Variants in POU6F2 observed in about 807,000 individuals in gnomAD.
POU6F2 encodes POU domain, class 6, transcription factor 2.
In POU6F2, 31 loss-of-function variants were observed where a neutral mutation model predicts 71.3. The ratio of observed to expected loss-of-function variants is 0.43; its 90% CI spans 0.33 to 0.59. The LOEUF (loss-of-function observed/expected upper bound fraction) is 0.59. Among genes scored for constraint, POU6F2 ranks in the 20% least tolerant of loss-of-function variants. POU6F2 has a pLI of 0.04. For missense variants in POU6F2, 783 were observed against 856.8 expected, an observed-to-expected ratio of 0.91 and a Z score of 1.07; for synonymous variants, 347 against 355.7, an observed-to-expected ratio of 0.98 and a Z score of 0.27.
At chr7:39,079,070 T>C (rs1348056055) in intron 1 of POU6F2, among the ~76,000 whole-genome samples, 4 of 152,100 alleles carry the variant, frequency 2.6e-5, no homozygotes, top group Non-Finnish European at 4.4e-5. Context: ...GATACCTTAA[T>C]GTGGGAAGCG....
At position 39,201,886 on chromosome 7, in the gene POU6F2, G is replaced by A. The variant is rs373412308; in HGVS notation, c.278-2349G>A. Among the ~76,000 whole-genome samples, 117 of 152,252 alleles carry A rather than the reference G, an allele frequency of 7.7e-4. 4 individuals carry two copies. In the South Asian group the frequency reaches 0.021, roughly 27 times the overall value. ...TTCCAGAGCCGCCTTCCAACCAGAC[G>A]GATTAGTTTATGGTCCTGCAAGGTT... On this transcript the variant is annotated intron_variant, in intron 2 of 9. Coordinates refer to ENST00000518318, the MANE Select transcript of POU6F2 (RefSeq NM_001370959.1).
intron 4 of POU6F2, among the ~76,000 whole-genome samples, chr7:39,233,777 T>A (rs1022216170): frequency 6.6e-6 from 1 of 152,196 alleles, no homozygotes; most frequent in Admixed American, 6.5e-5. Context: ...GGTAACTCAT[T>A]TTCTCCAGCA....
intron 6 of POU6F2, among the ~76,000 whole-genome samples, chr7:39,431,477 C>G (rs1414187489): frequency 6.6e-6 from 1 of 152,166 alleles, no homozygotes; most frequent in Non-Finnish European, 1.5e-5. Flanking sequence ...AAGCACTGCT[C>G]AGGGTATTGT....
intron 4 of POU6F2, among the ~76,000 whole-genome samples, chr7:39,225,586 C>A (rs1018095469): frequency 2.0e-5 from 3 of 152,024 alleles, no homozygotes; most frequent in African/African-American, 7.3e-5. Flanking sequence ...AATTTCTTCA[C>A]CCCCCACCAA....
intron 8 of POU6F2, among the ~76,000 whole-genome samples, chr7:39,456,895 CT>C (rs1788819605): frequency 6.6e-6 from 1 of 152,172 alleles, no homozygotes; most frequent in Admixed American, 6.5e-5. Flanking sequence ...ATTCAGTTTC[CT>C]GGTGGAATAA....
intron 2 of POU6F2, among the ~76,000 whole-genome samples, chr7:39,106,078 C>T (rs1306066412): frequency 6.6e-6 from 1 of 152,186 alleles, no homozygotes; most frequent in Non-Finnish European, 1.5e-5. Flanking sequence ...TTCCTTAAAT[C>T]CCAATTGTAA....
chr7:39,455,721 T>A (rs1486647989), intron 8 of POU6F2, among the ~76,000 whole-genome samples: 8 of 151,712 alleles, frequency 5.3e-5, no homozygotes, highest in Non-Finnish European at 7.4e-5. Flanking sequence ...GAGCTAAATT[T>A]AAAAAAACAA....
At chr7:39,315,828 C>T (rs4723855) in intron 4 of POU6F2, among the ~76,000 whole-genome samples, 103,323 of 152,100 alleles carry the variant, frequency 0.68, 35,161 homozygotes, top group Admixed American at 0.77. Flanking sequence ...TTTACTTTGG[C>T]TTTATAACAC....
intron 2 of POU6F2, among the ~76,000 whole-genome samples, chr7:39,171,823 T>C (rs879567921): frequency 6.6e-6 from 1 of 152,242 alleles, no homozygotes; most frequent in African/African-American, 2.4e-5. Flanking sequence ...CACATCTAAG[T>C]GTTAAAAAAC....
intron 4 of POU6F2, among the ~76,000 whole-genome samples, chr7:39,229,531 C>T (rs1366524688): frequency 1.3e-5 from 2 of 152,214 alleles, no homozygotes; most frequent in African/African-American, 4.8e-5. Context: ...CAGCTTGGGC[C>T]AGCCATCAGG....
intron 4 of POU6F2, among the ~76,000 whole-genome samples, chr7:39,289,612 G>A (rs1263527974): frequency 1.3e-5 from 2 of 152,098 alleles, no homozygotes; most frequent in East Asian, 3.8e-4. Context: ...TGAAATTCTA[G>A]TGTAGCTCTT....
intron 2 of POU6F2, among the ~76,000 whole-genome samples, chr7:39,099,482 A>T (rs903564199): frequency 2.6e-5 from 4 of 152,212 alleles, no homozygotes; most frequent in Non-Finnish European, 5.9e-5. Flanking sequence ...GTCTCTAGTT[A>T]AATGTCCAGA....
intron 2 of POU6F2, among the ~76,000 whole-genome samples, chr7:39,099,578 T>C (rs1163162183): frequency 6.6e-6 from 1 of 152,226 alleles, no homozygotes; most frequent in East Asian, 1.9e-4. Flanking sequence ...TGAAGTGTTA[T>C]GACGATTTTA....
intron 6 of POU6F2, among the ~76,000 whole-genome samples, chr7:39,418,957 ATATATATGTG>A (rs1264893386): frequency 3.9e-5 from 3 of 77,316 alleles, no homozygotes; most frequent in Non-Finnish European, 7.3e-5. Context: ...GTATATATGT[ATATATATGTG>A]TATATATGTA....
intron 2 of POU6F2, among the ~76,000 whole-genome samples, chr7:39,088,522 G>A (rs1791302104): frequency 6.6e-6 from 1 of 152,108 alleles, no homozygotes; most frequent in South Asian, 2.1e-4. Context: ...ACTTGATAAT[G>A]AAGAATTGCA....
rs528804454 is a variant in POU6F2, at chr7:39,226,517, CA to C, written c.598+18898del. On this transcript the variant is annotated intron_variant, in intron 4 of 9. Transcript: ENST00000518318. ...ACACAGAAGCTTCTCCTTAGTTCTT[CA>C]TTGTTTAGGTAATGTCTAAGAAAGA... Among the ~76,000 whole-genome samples the C allele has an allele frequency of 1.4e-3, 215 of 152,300 alleles. 1 individual carries two copies. Among genetic ancestry groups the C allele is most frequent in the African/African-American group, 4.6e-3 (192 of 41,572 alleles).
chr7:39,457,158 G>A (rs1272437241), intron 8 of POU6F2, among the ~76,000 whole-genome samples: 3 of 152,218 alleles, frequency 2.0e-5, no homozygotes, highest in African/African-American at 7.2e-5. Flanking sequence ...AGACGGCAGA[G>A]GAAGGGAAGA....
intron 2 of POU6F2, among the ~76,000 whole-genome samples, chr7:39,130,462 G>T (rs543665136): frequency 6.6e-6 from 1 of 152,286 alleles, no homozygotes; most frequent in Admixed American, 6.5e-5. Flanking sequence ...ATTCACTTGA[G>T]AGAAGCTACG....
At chr7:39,084,216 TTA>T (rs1429652214) in intron 1 of POU6F2, among the ~76,000 whole-genome samples, 5 of 152,226 alleles carry the variant, frequency 3.3e-5, no homozygotes, top group African/African-American at 1.2e-4. Flanking sequence ...TTTTGTTTTA[TTA>T]TATGTTTCAC....
Sources: allele counts gnomAD v4.1 joint callset (sites outside exome capture counted in the v4.1 genomes callset), GRCh38; gene constraint gnomAD v4.1.1; transcripts MANE v1.5; gene names NCBI Gene and HGNC (gene_info 2026-07-23, HGNC 2026-07-21).